The following DNAH8 variants were observed in gnomAD, a reference collection of about 807,000 sequenced individuals.
The protein encoded by DNAH8 is axonemal beta dynein heavy chain 8.
In DNAH8, 382 loss-of-function variants were observed where a neutral mutation model predicts 562.1. That is an observed-to-expected ratio of 0.68 (90% confidence interval 0.63 to 0.74). The LOEUF (loss-of-function observed/expected upper bound fraction) is 0.74, where lower values mean the gene tolerates loss of function less well. DNAH8 is among the 30% of genes least tolerant of loss of function. The pLI is 0.00. For missense variants in DNAH8, 5,203 were observed against 5,620.4 expected (o/e 0.93, Z 2.37); for synonymous variants, 1,881 against 1,919.4 (o/e 0.98, Z 0.52).
Position 38,890,644 on chromosome 6 carries a change from T to G in DNAH8, c.8474-8T>G. 6.3e-7 allele frequency: 1 copy of G among 1,584,854 alleles called. No homozygotes were observed. Among genetic ancestry groups the G allele is most frequent in the Non-Finnish European group, 8.7e-7 (1 of 1,153,444 alleles). On this transcript the variant is annotated splice_region_variant and splice_polypyrimidine_tract_variant and intron_variant, in intron 57 of 92. Coordinates refer to ENST00000327475, the MANE Select transcript of DNAH8 (RefSeq NM_001206927.2). ...AAGCTTATACCTTCAATCTTGCTTA[T>G]CTTTCAGGAATTATTGGATGTGGAT...
intron 23 of DNAH8, among the ~76,000 whole-genome samples, chr6:38,806,482 CCTGT>C (rs1771286185): frequency 6.6e-6 from 1 of 152,146 alleles, no homozygotes; most frequent in Admixed American, 6.5e-5. Flanking sequence ...CTCAGAAGTG[CCTGT>C]CTTTCAGTTG....
At chr6:38,891,234 C>CA (rs1779321173) in intron 58 of DNAH8, among the ~76,000 whole-genome samples, 1 of 152,104 alleles carries the variant, frequency 6.6e-6, no homozygotes, top group Non-Finnish European at 1.5e-5. Flanking sequence ...ATGTTCTTAA[C>CA]AAAAATTGGC....
chr6:38,948,461 C>T (rs2150625442), intron 80 of DNAH8, among the ~76,000 whole-genome samples: 1 of 152,308 alleles, frequency 6.6e-6, no homozygotes, highest in South Asian at 2.1e-4. Context: ...GCCTCAGCCT[C>T]CCGAGTAGCT....
intron 23 of DNAH8, among the ~76,000 whole-genome samples, chr6:38,806,194 C>A (rs1215747796): frequency 6.6e-6 from 1 of 152,110 alleles, no homozygotes; most frequent in East Asian, 1.9e-4. Context: ...GCACTCATTC[C>A]TGCTTTCTCC....
At position 38,823,881 on chromosome 6, in the gene DNAH8, G is replaced by A. The variant is rs182316221; in HGVS notation, c.3847+193G>A. 1.1e-3 allele frequency among the ~76,000 whole-genome samples: 165 copies of A among 151,798 alleles called. 1 individual carries two copies. The highest frequency in any genetic ancestry group is 1.7e-3 in the Non-Finnish European group (114 of 67,950). On this transcript the variant is annotated intron_variant, in intron 28 of 92. Coordinates refer to ENST00000327475, the MANE Select transcript of DNAH8 (RefSeq NM_001206927.2). ...ATATTATTATACCATTAAAAGTAAT[G>A]GCAAAAACTGCAATTACTTTTGCAC...
At chr6:38,922,391 G>T (rs1447673690) in intron 71 of DNAH8, among the ~76,000 whole-genome samples, 1 of 151,888 alleles carries the variant, frequency 6.6e-6, no homozygotes, top group Non-Finnish European at 1.5e-5. Flanking sequence ...TTTGGGAAAA[G>T]GTGCATGGCA....
At chr6:38,930,391 T>C (rs1782461593) in intron 75 of DNAH8, among the ~76,000 whole-genome samples, 1 of 151,850 alleles carries the variant, frequency 6.6e-6, no homozygotes, top group African/African-American at 2.4e-5. Flanking sequence ...TATCAGTGAA[T>C]AAGTAAAAAT....
At chr6:38,814,205 G>A (rs1358350584) in intron 25 of DNAH8, 76 bp downstream of exon 25, 2 of 857,942 alleles carry the variant, frequency 2.3e-6, no homozygotes, top group African/African-American at 3.5e-5. Flanking sequence ...CTTTCATTTA[G>A]GTAACATTTT....
At chr6:38,949,063 C>T (rs1334708844) in intron 80 of DNAH8, among the ~76,000 whole-genome samples, 2 of 152,054 alleles carry the variant, frequency 1.3e-5, no homozygotes, top group Non-Finnish European at 2.9e-5. Context: ...GTGGAGGGTG[C>T]TACTGGCATC....
intron 3 of DNAH8, among the ~76,000 whole-genome samples, chr6:38,728,224 T>G (rs34347017): frequency 0.23 from 35,241 of 151,882 alleles, 4,505 homozygotes; most frequent in Non-Finnish European, 0.3. Flanking sequence ...CACCTGGGCC[T>G]CTCAAAGTGC....
At chr6:38,911,830 G>C (rs1780926822) in intron 66 of DNAH8, among the ~76,000 whole-genome samples, 1 of 152,152 alleles carries the variant, frequency 6.6e-6, no homozygotes, top group African/African-American at 2.4e-5. Context: ...TCAACTCTGG[G>C]TCCCCTGTGC....
intron 76 of DNAH8, among the ~76,000 whole-genome samples, chr6:38,934,355 AAAAAC>A (rs780054119): frequency 1.1e-4 from 17 of 152,156 alleles, no homozygotes; most frequent in South Asian, 4.1e-4. Flanking sequence ...TCCATCTCAA[AAAAAC>A]AAAACAAAAC....
At chr6:38,984,061 T>G in intron 86 of DNAH8, 145 bp from the exon 87 acceptor site, 1 of 552,032 alleles carries the variant, frequency 1.8e-6, no homozygotes, top group Middle Eastern at 4.3e-4. Context: ...GTGAAAGAGT[T>G]ATTAATATAA....
chr6:38,843,346 C>CT (rs35702898), intron 35 of DNAH8, among the ~76,000 whole-genome samples: 8,973 of 149,480 alleles, frequency 0.06, 406 homozygotes, highest in South Asian at 0.11. Flanking sequence ...TGTGGCCAAT[C>CT]TTTTTTTTTC....
At chr6:38,819,479 C>G (rs1033210029) in intron 26 of DNAH8, among the ~76,000 whole-genome samples, 1 of 152,036 alleles carries the variant, frequency 6.6e-6, no homozygotes, top group African/African-American at 2.4e-5. Flanking sequence ...ATTTCACTTA[C>G]CCACACATAG....
At chr6:38,958,338 A>G (rs988082851) in intron 82 of DNAH8, among the ~76,000 whole-genome samples, 3 of 151,772 alleles carry the variant, frequency 2.0e-5, no homozygotes, top group African/African-American at 7.3e-5. Flanking sequence ...ATGATCAACA[A>G]AATGAAGTGA....
intron 31 of DNAH8, among the ~76,000 whole-genome samples, chr6:38,834,285 A>G (rs1361386729): frequency 6.6e-6 from 1 of 152,208 alleles, no homozygotes; most frequent in Non-Finnish European, 1.5e-5. Context: ...TTAAAAATGA[A>G]TGGAAGATAG....
intron 88 of DNAH8, among the ~76,000 whole-genome samples, chr6:38,994,090 T>G (rs1014727036): frequency 1.1e-4 from 16 of 152,176 alleles, no homozygotes; most frequent in African/African-American, 3.9e-4. Context: ...ATTTGAACCT[T>G]CACCAATATG....
Position 38,945,490 on chromosome 6 carries a change from G to A in DNAH8, c.12031G>A (p.Ala4011Thr), listed in dbSNP as rs764211815. 6 of 1,614,188 alleles carry A rather than the reference G, an allele frequency of 3.7e-6. No homozygotes were observed. In the South Asian group the frequency reaches 5.5e-5, roughly 15 times the overall value. ...IKGGAALDLKACPPKPYRWIL... is the reference protein window; with the variant it reads ...IKGGAALDLKTCPPKPYRWIL... ...AGGGGGAGCAGCTCTGGACCTGAAA[G>A]CCTGTCCTCCCAAACCCTATCGCTG... The change falls in exon 80 of 93, where the codon GCC becomes ACC. Residue 4011 changes from alanine (A) to threonine (T), a missense_variant. This residue lies in a region of DNAH8 where 1,399 missense variants were observed against 1,518.4 expected (regional missense o/e 0.92). Coordinates refer to ENST00000327475, the MANE Select transcript of DNAH8 (RefSeq NM_001206927.2).
Sources: allele counts gnomAD v4.1 joint callset (sites outside exome capture counted in the v4.1 genomes callset), GRCh38; gene constraint gnomAD v4.1.1; regional missense constraint gnomAD v4.1.1; transcripts MANE v1.5; gene names NCBI Gene and HGNC (gene_info 2026-07-23, HGNC 2026-07-21).